PRKCH: variants seen among roughly 807,000 people sequenced by gnomAD.
PRKCH encodes the protein protein kinase C eta, also known as protein kinase C eta type.
In PRKCH, 28 loss-of-function variants were observed where a neutral mutation model predicts 82.5. That is an observed-to-expected ratio of 0.34 (90% CI 0.25 to 0.47). The LOEUF is 0.47. Among genes scored for constraint, PRKCH ranks in the 20% least tolerant of loss-of-function variants. The pLI is 1.00. For synonymous variants in PRKCH, 322 were observed against 327.4 expected, an observed-to-expected ratio of 0.98 and a Z score of 0.18; for missense variants, 705 against 881.8, an observed-to-expected ratio of 0.80 and a Z score of 2.54.
chr14:61,210,774 C>G lies in PRKCH; in HGVS notation c.-19+23106C>G, dbSNP rs145578931. Among the ~76,000 whole-genome samples the G allele has an allele frequency of 4.8e-3, 529 of 110,916 alleles. 14 individuals carry two copies. The East Asian group carries it at 0.1, about 21-fold the overall frequency. The allele number at this position is 110,916 out of a possible 152,430, so 72.8% of individuals were successfully genotyped here. ...GTCCTTTCTCTCTCTCTCTCTCTCT[C>G]TCTCTCTCTCTCTCTCTGTGTGTGT... On this transcript the variant is annotated intron_variant, in intron 1 of 3. Transcript: ENST00000555185.
chr14:61,397,481 G>T (rs989847283), intron 2 of PRKCH, among the ~76,000 whole-genome samples: 3 of 152,346 alleles, frequency 2.0e-5, no homozygotes, highest in East Asian at 3.9e-4. Context: ...CCATTGAGAA[G>T]ATTTAGCAAG....
intron 1 of PRKCH, among the ~76,000 whole-genome samples, chr14:61,324,825 G>A (rs1280506997): frequency 6.6e-6 from 1 of 152,126 alleles, no homozygotes. Flanking sequence ...AAATTGACAT[G>A]TAGTTTATTC....
chr14:61,378,419 C>G (rs557575722), intron 1 of PRKCH, among the ~76,000 whole-genome samples: 1 of 151,920 alleles, frequency 6.6e-6, no homozygotes, highest in African/African-American at 2.4e-5. Flanking sequence ...GTTGCTTAGG[C>G]TGTTCTGGAG....
Position 61,240,468 on chromosome 14 carries a change from G to A in PRKCH, c.-19+52800G>A, listed in dbSNP as rs149279041. Among the ~76,000 whole-genome samples the A allele has an allele frequency of 2.2e-3, 331 of 152,172 alleles. 2 individuals are homozygous for A. The Middle Eastern group carries it at 0.027, about 13-fold the overall frequency. ...TGCACATGTGGTGTTACCTGGAGGT[G>A]GCCATGGCACCTGCCACACGTGGTG... On this transcript the variant is annotated intron_variant, in intron 1 of 3. Coordinates refer to the PRKCH transcript ENST00000555185.
chr14:61,468,146 A>G (rs899396115), intron 9 of PRKCH, among the ~76,000 whole-genome samples: 1 of 152,174 alleles, frequency 6.6e-6, no homozygotes. Context: ...GGAAATACCT[A>G]AGGATATTTC....
chr14:61,484,896 T>TA (rs1886143675), intron 9 of PRKCH, among the ~76,000 whole-genome samples: 1 of 151,768 alleles, frequency 6.6e-6, no homozygotes, highest in Non-Finnish European at 1.5e-5. Flanking sequence ...ATTTTTTTTT[T>TA]ATTTTTTTGT....
At chr14:61,434,859 T>C (rs545916907) in intron 2 of PRKCH, among the ~76,000 whole-genome samples, 206 of 152,240 alleles carry the variant, frequency 1.4e-3, no homozygotes, top group African/African-American at 4.8e-3. Context: ...CAACTCTACT[T>C]TTTAAAAGAT....
At chr14:61,295,700 C>A (rs1276309384) in intron 1 of PRKCH, among the ~76,000 whole-genome samples, 1 of 152,186 alleles carries the variant, frequency 6.6e-6, no homozygotes, top group Non-Finnish European at 1.5e-5. Context: ...CCATACCACA[C>A]GTCTTCCTTC....
chr14:61,439,853 C>T (rs1050199406), intron 2 of PRKCH, among the ~76,000 whole-genome samples: 2 of 152,138 alleles, frequency 1.3e-5, no homozygotes, highest in Non-Finnish European at 2.9e-5. Flanking sequence ...CTAAATCCTC[C>T]TCTGGTTATA....
At chr14:61,253,502 G>T (rs1363556564) in intron 1 of PRKCH, among the ~76,000 whole-genome samples, 2 of 152,032 alleles carry the variant, frequency 1.3e-5, no homozygotes, top group Non-Finnish European at 2.9e-5. Context: ...AGAATCCTTA[G>T]GTCCTTCACT....
chr14:61,286,728 A>G (rs2045317054), intron 1 of PRKCH, among the ~76,000 whole-genome samples: 1 of 152,090 alleles, frequency 6.6e-6, no homozygotes, highest in Non-Finnish European at 1.5e-5. Flanking sequence ...GTGAGCCGAG[A>G]TCACGTCATT....
chr14:61,349,629 G>A (rs1351898845), intron 1 of PRKCH, among the ~76,000 whole-genome samples: 1 of 152,118 alleles, frequency 6.6e-6, no homozygotes, highest in Non-Finnish European at 1.5e-5. Flanking sequence ...TTGGGAGGCC[G>A]AGGTGGGTGG....
intron 1 of PRKCH, among the ~76,000 whole-genome samples, chr14:61,247,319 T>C (rs2044894402): frequency 6.6e-6 from 1 of 152,158 alleles, no homozygotes; most frequent in South Asian, 2.1e-4. Flanking sequence ...TACTTCATTA[T>C]TGTTACTAGG....
At chr14:61,338,994 C>T (rs2045894059) in intron 1 of PRKCH, among the ~76,000 whole-genome samples, 2 of 152,112 alleles carry the variant, frequency 1.3e-5, no homozygotes, top group Admixed American at 1.3e-4. Flanking sequence ...ATAGTGACAG[C>T]TCTCTGCCTG....
intron 12 of PRKCH, among the ~76,000 whole-genome samples, chr14:61,538,710 G>A (rs577159833): frequency 5.2e-4 from 79 of 152,270 alleles, no homozygotes; most frequent in Admixed American, 5.0e-3. Flanking sequence ...TTTTTGTTTC[G>A]AGTTAGAAAA....
chr14:61,460,663 G>C (rs995164413), intron 9 of PRKCH, among the ~76,000 whole-genome samples: 1 of 152,184 alleles, frequency 6.6e-6, no homozygotes, highest in Admixed American at 6.5e-5. Flanking sequence ...GAAGCCAGGT[G>C]GTCTGACGGC....
chr14:61,419,664 C>T (rs974232263), intron 2 of PRKCH, among the ~76,000 whole-genome samples: 5 of 152,166 alleles, frequency 3.3e-5, no homozygotes, highest in Non-Finnish European at 7.4e-5. Context: ...CCTGGTGGGG[C>T]GTTCTGGGCT....
intron 5 of PRKCH, 41 bp from the exon 6 acceptor site, chr14:61,450,801 A>G: frequency 6.2e-7 from 1 of 1,601,382 alleles, no homozygotes; most frequent in Non-Finnish European, 8.5e-7. Flanking sequence ...GGACATTGGT[A>G]TGACATTTTA....
At chr14:61,455,972 T>C (rs1225840588) in intron 7 of PRKCH, among the ~76,000 whole-genome samples, 1 of 151,674 alleles carries the variant, frequency 6.6e-6, no homozygotes, top group Non-Finnish European at 1.5e-5. Context: ...GTCAGTCTTA[T>C]TGTAGACGGT....
Sources: gnomAD v4.1 joint callset for allele counts (sites outside exome capture counted in the v4.1 genomes callset) on GRCh38, gnomAD v4.1.1 for gene constraint, MANE v1.5 for transcripts, NCBI Gene and HGNC (gene_info 2026-07-23, HGNC 2026-07-21) for gene names.